DEPTOR: variants seen among roughly 807,000 people sequenced by gnomAD.
DEPTOR encodes DEP domain containing MTOR interacting protein, also known as DEP domain-containing mTOR-interacting protein.
DEPTOR carries 41 observed loss-of-function variants against 41.6 expected under a neutral mutation model. That is an observed-to-expected ratio of 0.98 (90% confidence interval 0.77 to 1.28). The LOEUF (loss-of-function observed/expected upper bound fraction) is 1.28. Among genes scored for constraint, DEPTOR ranks in the 50% most tolerant of loss-of-function variants. The pLI, the probability that DEPTOR is intolerant of heterozygous loss-of-function variation, is 0.00. For missense variants in DEPTOR, 514 were observed against 527.9 expected, an observed-to-expected ratio of 0.97 and a Z score of 0.26; for synonymous variants, 195 against 192.3, an observed-to-expected ratio of 1.01 and a Z score of -0.12.
chr8:119,964,911 T>A (rs565299818), intron 3 of DEPTOR, among the ~76,000 whole-genome samples: 1 of 152,070 alleles, frequency 6.6e-6, no homozygotes, highest in Non-Finnish European at 1.5e-5. Flanking sequence ...CTGTCGCTAC[T>A]AAAAATACAA....
intron 4 of DEPTOR, among the ~76,000 whole-genome samples, chr8:119,974,714 G>C (rs1828675656): frequency 6.6e-6 from 1 of 151,994 alleles, no homozygotes; most frequent in Admixed American, 6.6e-5. Context: ...AGAGGTTGCA[G>C]TGAGCTGAGA....
At chr8:119,931,041 G>A (rs1031933700) in intron 3 of DEPTOR, among the ~76,000 whole-genome samples, 55 of 152,054 alleles carry the variant, frequency 3.6e-4, no homozygotes, top group Middle Eastern at 3.4e-3. Context: ...GTGAAAGCCC[G>A]TCTCCACTAA....
At chr8:119,992,916 C>G (rs1403936804) in intron 4 of DEPTOR, among the ~76,000 whole-genome samples, 1 of 152,088 alleles carries the variant, frequency 6.6e-6, no homozygotes, top group African/African-American at 2.4e-5. Flanking sequence ...CTCGGCCTCC[C>G]AAAGTGCTGA....
chr8:119,936,007 T>TG (rs1828107848), intron 3 of DEPTOR, among the ~76,000 whole-genome samples: 1 of 149,980 alleles, frequency 6.7e-6, no homozygotes, highest in Non-Finnish European at 1.5e-5. Flanking sequence ...TTGTTTTTTT[T>TG]TTTTTTTTTT....
intron 4 of DEPTOR, among the ~76,000 whole-genome samples, chr8:119,973,423 G>A (rs916988921): frequency 1.2e-4 from 19 of 152,082 alleles, no homozygotes; most frequent in Admixed American, 1.2e-3. Flanking sequence ...TCATAGAGAC[G>A]GGGGTTGTTG....
At chr8:120,000,931 GC>G (rs1800206150) in intron 4 of DEPTOR, among the ~76,000 whole-genome samples, 1 of 151,856 alleles carries the variant, frequency 6.6e-6, no homozygotes, top group Non-Finnish European at 1.5e-5. Flanking sequence ...ACAAAAATTA[GC>G]CAGGTGTGGT....
chr8:119,873,781 A>C lies in DEPTOR; in HGVS notation c.-66A>C. 1 of 1,597,584 alleles carries C rather than the reference A, an allele frequency of 6.3e-7. No homozygotes were observed. The highest frequency in any genetic ancestry group is 1.7e-5 in the Admixed American group (1 of 58,230). On this transcript the variant is annotated 5_prime_UTR_variant, in exon 1 of 9. Coordinates refer to ENST00000286234, the MANE Select transcript of DEPTOR (RefSeq NM_022783.4). ...GCGCGGGAAGCGTCTGTGAGGGCAG[A>C]CTGATCCGAGCACCCAAACCCTCGG...
chr8:120,001,525 T>C lies in DEPTOR; in HGVS notation c.605T>C (p.Val202Ala), dbSNP rs372840507. ...TGGTTGTTTTTTTTTTTCTCCCCAG[T>C]GTCCAACAAGCACCCATTTGTGGAC... Reference protein sequence around the residue: ...RLMEHGIIQHVSNKHPFVDSN... With the variant: ...RLMEHGIIQHASNKHPFVDSN... Residue 202 changes from valine to alanine, a missense_variant and splice_region_variant, in exon 5 of 9, where the codon GTG becomes GCG. Transcript: ENST00000286234. 9 of 1,600,386 alleles carry C rather than the reference T, an allele frequency of 5.6e-6. No individual in the cohort carries two copies. The highest frequency in any genetic ancestry group is 6.8e-6 in the Non-Finnish European group (8 of 1,173,044).
At chr8:119,896,145 A>T (rs774429878) in intron 1 of DEPTOR, among the ~76,000 whole-genome samples, 25 of 152,244 alleles carry the variant, frequency 1.6e-4, no homozygotes, top group Non-Finnish European at 2.5e-4. Flanking sequence ...AACAACAATA[A>T]TAAAAATAAA....
chr8:119,933,984 A>C (rs1169820618), intron 3 of DEPTOR, among the ~76,000 whole-genome samples: 1 of 152,132 alleles, frequency 6.6e-6, no homozygotes, highest in East Asian at 1.9e-4. Context: ...GGTTCAAGCG[A>C]TTCTCATGCC....
chr8:120,031,520 G>A (rs981854589), intron 8 of DEPTOR, among the ~76,000 whole-genome samples: 10 of 151,848 alleles, frequency 6.6e-5, no homozygotes, highest in East Asian at 3.9e-4. Flanking sequence ...GTGCTCCATC[G>A]TGCTGTAAGG....
intron 1 of DEPTOR, among the ~76,000 whole-genome samples, chr8:119,893,021 T>G (rs13277786): frequency 0.72 from 108,850 of 151,944 alleles, 39,455 homozygotes; most frequent in East Asian, 0.95. Flanking sequence ...GTTCTCAGGT[T>G]ATCCACCTGC....
Position 119,936,744 on chromosome 8 carries a change from C to A in DEPTOR, c.425+6806C>A, listed in dbSNP as rs561178539. On this transcript the variant is annotated intron_variant, in intron 3 of 8. Coordinates refer to ENST00000286234, the MANE Select transcript of DEPTOR (RefSeq NM_022783.4). ...TGTTTCTATTAATTTTACAATAAGG[C>A]CAAGCGTAGTGGCCCACACCTGTTA... Among the ~76,000 whole-genome samples, 6 of 152,272 alleles carry A rather than the reference C, an allele frequency of 3.9e-5. No homozygotes were observed. The South Asian group carries it at 1.2e-3, about 32-fold the overall frequency.
intron 4 of DEPTOR, among the ~76,000 whole-genome samples, chr8:119,989,769 T>A (rs77645386): frequency 0.032 from 4,814 of 152,346 alleles, 168 homozygotes; most frequent in African/African-American, 0.087. Flanking sequence ...CATTATCAGA[T>A]GCCTGAGTGG....
intron 1 of DEPTOR, among the ~76,000 whole-genome samples, chr8:119,895,037 G>T (rs1212242132): frequency 6.6e-6 from 1 of 152,172 alleles, no homozygotes; most frequent in Non-Finnish European, 1.5e-5. Flanking sequence ...TTTTCTCACA[G>T]GGCAGATGTT....
chr8:119,918,220 G>A (rs954698719), intron 1 of DEPTOR, among the ~76,000 whole-genome samples: 4 of 151,760 alleles, frequency 2.6e-5, no homozygotes, highest in East Asian at 1.9e-4. Context: ...TCCACCTAAC[G>A]AGAAAAACCC....
At chr8:120,030,505 T>G (rs1024902937) in intron 8 of DEPTOR, among the ~76,000 whole-genome samples, 1 of 122,264 alleles carries the variant, frequency 8.2e-6, no homozygotes, top group South Asian at 3.5e-4. Context: ...CAGTTTTTTT[T>G]TTTTTTTTTT....
At chr8:120,038,251 A>G (rs1378196739) in intron 8 of DEPTOR, among the ~76,000 whole-genome samples, 2 of 146,504 alleles carry the variant, frequency 1.4e-5, no homozygotes, top group Non-Finnish European at 3.0e-5. Flanking sequence ...CCTGGGTGAC[A>G]GAGCGAGAGT....
At chr8:119,938,181 C>T (rs1486121330) in intron 3 of DEPTOR, among the ~76,000 whole-genome samples, 1 of 152,182 alleles carries the variant, frequency 6.6e-6, no homozygotes, top group Non-Finnish European at 1.5e-5. Context: ...ATTGGAGTAA[C>T]TGTAATTATC....
Sources: gnomAD v4.1 joint callset for allele counts (sites outside exome capture counted in the v4.1 genomes callset) on GRCh38, gnomAD v4.1.1 for gene constraint, MANE v1.5 for transcripts, NCBI Gene and HGNC (gene_info 2026-07-23, HGNC 2026-07-21) for gene names.